Variants in NRDE2 observed in about 807,000 individuals in gnomAD.
The protein encoded by NRDE2 is NRDE-2, necessary for RNA interference, domain containing, also known as nuclear exosome regulator NRDE2.
In NRDE2, 76 loss-of-function variants were observed where a neutral mutation model predicts 124.2. The ratio of observed to expected loss-of-function variants is 0.61; its 90% CI spans 0.51 to 0.74. The LOEUF (loss-of-function observed/expected upper bound fraction) is 0.74, where lower values mean the gene tolerates loss of function less well. Among genes scored for constraint, NRDE2 ranks in the 30% least tolerant of loss-of-function variants. NRDE2 has a pLI of 0.00. For missense variants in NRDE2, 1,314 were observed against 1,417.3 expected (o/e 0.93, Z 1.17); for synonymous variants, 489 against 528.1 (o/e 0.93, Z 1.01).
chr14:90,278,347 G>A lies in NRDE2; in HGVS notation c.3484C>T (p.Leu1162=), dbSNP rs765338598. 1 of 1,614,072 alleles carries A rather than the reference G, an allele frequency of 6.2e-7. No homozygotes were observed. The highest frequency in any genetic ancestry group is 1.1e-5 in the South Asian group (1 of 91,084). Residue 1162 remains leucine (L), a synonymous_variant, in exon 14 of 14, where the codon CTG becomes TTG. Coordinates refer to ENST00000354366, the MANE Select transcript of NRDE2 (RefSeq NM_017970.4). ...TTTCCCGCTGCTCTCTAATCCTCCA[G>A]CAGCAGCTCCAGCTCCTCCAGCGGC... is the stretch of plus-strand genomic sequence containing the variant. ...RLPLEELELL[L]ED
rs146717688 is a variant in NRDE2, at chr14:90,313,764, TAAAG to T, written c.408-1225_408-1222del. On this transcript the variant is annotated intron_variant, in intron 3 of 13. Coordinates refer to ENST00000354366, the MANE Select transcript of NRDE2 (RefSeq NM_017970.4). Reference sequence around the variant, plus strand: ...CTTTTCAGCTCTGCCCAGGTACAAATAAAGATTTTGGAGGCTTCTTAATTATTCT... The same window carrying T: ...CTTTTCAGCTCTGCCCAGGTACAAATATTTTGGAGGCTTCTTAATTATTCT... 2.2e-3 allele frequency among the ~76,000 whole-genome samples: 340 copies of T among 152,292 alleles called. 3 individuals carry two copies. Among genetic ancestry groups the T allele is most frequent in the Middle Eastern group, 0.02 (6 of 294 alleles).
In NRDE2 at chr14:90,273,347, C is replaced by G. The variant is rs1001727703; in HGVS notation, c.*4989G>C. The G allele has an allele frequency of 1.3e-5, 2 of 152,180 alleles. No individual in the cohort carries two copies. The highest frequency in any genetic ancestry group is 4.8e-5 in the African/African-American group (2 of 41,438). 9.4% of individuals were successfully genotyped at this position (152,180 alleles called of 1,614,324 possible). ...AGCTGAGGCAGGCGGATCACAAGGTCAGAAGTTTGAGGCCAGCCTGGCCAA... is the reference window on the plus strand; with the variant it reads ...AGCTGAGGCAGGCGGATCACAAGGTGAGAAGTTTGAGGCCAGCCTGGCCAA... On this transcript the variant is annotated 3_prime_UTR_variant, in exon 14 of 14. Transcript: ENST00000354366.
chr14:90,294,339 C>T (rs1461199827), intron 8 of NRDE2, among the ~76,000 whole-genome samples: 10 of 151,628 alleles, frequency 6.6e-5, no homozygotes, highest in Middle Eastern at 3.2e-3. Context: ...CCATATGAGG[C>T]GATTCCACTG....
Position 90,269,040 on chromosome 14 carries a change from C to G in NRDE2, c.*9296G>C, listed in dbSNP as rs1157647821. ...AACAAAAGAGCAAAAAGGGCCTACA[C>G]TAGTTCCCTGCAGCATTTTTTATAA... On this transcript the variant is annotated 3_prime_UTR_variant, in exon 14 of 14. Transcript: ENST00000354366. 2 of 175,144 alleles carry G rather than the reference C, an allele frequency of 1.1e-5. No homozygotes were observed. Among genetic ancestry groups the G allele is most frequent in the Non-Finnish European group, 2.4e-5 (2 of 83,172 alleles). 10.8% of individuals were successfully genotyped at this position (175,144 alleles called of 1,614,324 possible). A position where few individuals can be genotyped will look rare whatever the true frequency, so the allele number is the denominator to read the frequency against.
chr14:90,288,117 T>C (rs1030047493), intron 11 of NRDE2, 100 bp downstream of exon 11: 8 of 1,106,828 alleles, frequency 7.2e-6, no homozygotes, highest in Non-Finnish European at 9.2e-6. Flanking sequence ...CACCGTGCCA[T>C]GTTCATCCCT....
intron 9 of NRDE2, 91 bp from the exon 10 acceptor site, chr14:90,290,698 C>T: frequency 7.5e-7 from 1 of 1,327,028 alleles, no homozygotes. Context: ...ACTAATGGTT[C>T]AACATTATTC....
rs752312051 is a variant in NRDE2, at chr14:90,275,249, A to T, written c.*3087T>A. 2.2e-4 allele frequency: 34 copies of T among 152,168 alleles called. No homozygotes were observed. The highest frequency in any genetic ancestry group is 9.2e-4 in the Admixed American group (14 of 15,280). 9.4% of individuals were successfully genotyped at this position (152,168 alleles called of 1,614,324 possible). A position where few individuals can be genotyped will look rare whatever the true frequency, so the allele number is the denominator to read the frequency against. On this transcript the variant is annotated 3_prime_UTR_variant, in exon 14 of 14. Coordinates refer to ENST00000354366, the MANE Select transcript of NRDE2 (RefSeq NM_017970.4). ...GAACTGGATCCTTTTCCTAGAGGAC[A>T]TGACTGGGCCTGAGGACCTGCTAGG...
At position 90,298,395 on chromosome 14, in the gene NRDE2, G is replaced by C. The variant is rs375796078; in HGVS notation, c.1546-15C>G. On this transcript the variant is annotated splice_polypyrimidine_tract_variant and intron_variant, in intron 7 of 13. Coordinates refer to ENST00000354366, the MANE Select transcript of NRDE2 (RefSeq NM_017970.4). ...AAGAATTCCACCTGTTCAGATTTTAGAATGGACGTTAGACCTCACTTGTAT... is the reference window on the plus strand; with the variant it reads ...AAGAATTCCACCTGTTCAGATTTTACAATGGACGTTAGACCTCACTTGTAT... The C allele has an allele frequency of 5.0e-5, 81 of 1,613,624 alleles. No individual in the cohort carries two copies. In the African/African-American group the frequency reaches 1.0e-3, roughly 20 times the overall value.
Position 90,303,003 on chromosome 14 carries a change from G to GCT in NRDE2, c.1126_1127dup (p.Ser376ArgfsTer9). 1.2e-6 allele frequency: 2 copies of GCT among 1,614,044 alleles called. No individual in the cohort carries two copies. The highest frequency in any genetic ancestry group is 2.2e-5 in the South Asian group (2 of 91,088). The stretch of plus-strand genomic sequence containing the variant: ...GTTTCAGATCCACACTGCTCTGGTT[G>GCT]CTCTCAATGGCCCGCTCCAGAATGG... On this transcript the variant is annotated frameshift_variant, in exon 6 of 14. Coordinates refer to ENST00000354366, the MANE Select transcript of NRDE2 (RefSeq NM_017970.4). LOFTEE classifies it high-confidence loss of function.
intron 3 of NRDE2, among the ~76,000 whole-genome samples, chr14:90,313,213 G>A (rs552353717): frequency 3.6e-4 from 51 of 140,666 alleles, no homozygotes; most frequent in Admixed American, 1.9e-3. Flanking sequence ...TGCAAGCTCC[G>A]CCTCCCGGAT....
rs142730601 is a variant in NRDE2, at chr14:90,314,975, G to A, written c.407+1603C>T. Among the ~76,000 whole-genome samples the A allele has an allele frequency of 9.8e-3, 1,488 of 151,736 alleles. 13 individuals carry two copies. Among genetic ancestry groups the A allele is most frequent in the Non-Finnish European group, 0.017 (1,170 of 67,928 alleles). ...ACCTGAGGTCAGGAGATCGGAGATCGAGACCAGCCTGGCCAACATGGAAAA... is the reference window on the plus strand; with the variant it reads ...ACCTGAGGTCAGGAGATCGGAGATCAAGACCAGCCTGGCCAACATGGAAAA... On this transcript the variant is annotated intron_variant, in intron 3 of 13. Coordinates refer to ENST00000354366, the MANE Select transcript of NRDE2 (RefSeq NM_017970.4).
chr14:90,277,546 C>T lies in NRDE2; in HGVS notation c.*790G>A, dbSNP rs546944583. On this transcript the variant is annotated 3_prime_UTR_variant, in exon 14 of 14. Coordinates refer to ENST00000354366, the MANE Select transcript of NRDE2 (RefSeq NM_017970.4). ...ACACCAGAACCAGGCCAGCCTTGGC[C>T]TTCATAGTGTAAGCAGCGTTGCTGC... 2 of 152,440 alleles carry T rather than the reference C, an allele frequency of 1.3e-5. No homozygotes were observed. The highest frequency in any genetic ancestry group is 1.5e-5 in the Non-Finnish European group (1 of 68,078). The allele number at this position is 152,440 out of a possible 1,614,324, so 9.4% of individuals were successfully genotyped here.
At chr14:90,320,316 T>C (rs1885197018) in intron 1 of NRDE2, among the ~76,000 whole-genome samples, 1 of 152,206 alleles carries the variant, frequency 6.6e-6, no homozygotes, top group African/African-American at 2.4e-5. Flanking sequence ...AAGGACCTTC[T>C]TGATGTGGTG....
chr14:90,280,383 C>T (rs1050968935), intron 12 of NRDE2: 5 of 152,216 alleles, frequency 3.3e-5, no homozygotes, highest in Non-Finnish European at 1.5e-5. Context: ...CTGGTGGAAG[C>T]CTCCAGTTCT....
intron 1 of NRDE2, among the ~76,000 whole-genome samples, chr14:90,319,100 A>T (rs960055355): frequency 6.6e-6 from 1 of 152,130 alleles, no homozygotes; most frequent in African/African-American, 2.4e-5. Context: ...TTCTACAGTG[A>T]ACGATTTCTA....
rs1338967667 is a variant in NRDE2, at chr14:90,270,254, A to G, written c.*8082T>C. 3 of 1,613,756 alleles carry G rather than the reference A, an allele frequency of 1.9e-6. No individual in the cohort carries two copies. The highest frequency in any genetic ancestry group is 1.7e-6 in the Non-Finnish European group (2 of 1,179,856). Reference sequence around the variant, plus strand: ...GCCTGATGAAAAGACGAAGAAGCGCATCTTTCAGATTCACACAAGCAGGAT... The same window carrying G: ...GCCTGATGAAAAGACGAAGAAGCGCGTCTTTCAGATTCACACAAGCAGGAT... On this transcript the variant is annotated 3_prime_UTR_variant, in exon 14 of 14. Coordinates refer to ENST00000354366, the MANE Select transcript of NRDE2 (RefSeq NM_017970.4).
Position 90,288,832 on chromosome 14 carries a change from T to A in NRDE2, c.2543A>T (p.His848Leu). The change falls in exon 11 of 14, where the codon CAC (histidine) becomes CTC (leucine). Residue 848 changes from histidine (H) to leucine (L), a missense_variant. Coordinates refer to ENST00000354366, the MANE Select transcript of NRDE2 (RefSeq NM_017970.4). ...VRRAATARAV[H>L]ILTKLTESSP... ...GCTCTCAGTCAGCTTGGTTAATATGTGAACAGCTCGAGCTGTGGCAGCCCT... is the reference window on the plus strand; with the variant it reads ...GCTCTCAGTCAGCTTGGTTAATATGAGAACAGCTCGAGCTGTGGCAGCCCT... 2.5e-6 allele frequency: 4 copies of A among 1,614,136 alleles called. No homozygotes were observed. Among genetic ancestry groups the A allele is most frequent in the Non-Finnish European group, 3.4e-6 (4 of 1,180,032 alleles).
At chr14:90,302,398 G>C (rs1484980087) in intron 6 of NRDE2, among the ~76,000 whole-genome samples, 1 of 152,112 alleles carries the variant, frequency 6.6e-6, no homozygotes, top group Non-Finnish European at 1.5e-5. Flanking sequence ...CCCTACAATT[G>C]GGTGAGACAG....
At chr14:90,315,176 CAAAAAAAAAAAAAAAAAA>C (rs71117336) in intron 3 of NRDE2, among the ~76,000 whole-genome samples, 3 of 31,770 alleles carry the variant, frequency 9.4e-5, no homozygotes, top group African/African-American at 1.5e-4. Context: ...TACTCTGTCT[CAAAAAAAAAAAAAAAAAA>C]AAAAAAAAAA....
Sources: gnomAD v4.1 joint callset for allele counts (sites outside exome capture counted in the v4.1 genomes callset) on GRCh38, gnomAD v4.1.1 for gene constraint, MANE v1.5 for transcripts, NCBI Gene and HGNC (gene_info 2026-07-23, HGNC 2026-07-21) for gene names.